Variants in GPC3 observed in about 807,000 individuals in gnomAD.
The protein encoded by GPC3 is glypican-3.
In GPC3, 3 loss-of-function variants were observed where a neutral mutation model predicts 34.4. That is an observed-to-expected ratio of 0.09 (90% confidence interval 0.04 to 0.23). The LOEUF is 0.23. Ranked by LOEUF, GPC3 falls within the 10% of genes least tolerant of loss-of-function variation. The pLI is 1.00. For synonymous variants in GPC3, 177 were observed against 174.0 expected, an observed-to-expected ratio of 1.02 and a Z score of -0.13; for missense variants, 351 against 445.6, an observed-to-expected ratio of 0.79 and a Z score of 1.91.
chrX:133,796,121 A>G, intron 2 of GPC3, among the ~76,000 whole-genome samples: 2 of 108,540 alleles, frequency 1.8e-5, no homozygotes, highest in South Asian at 4.1e-4. Context: ...ATTTTTTTGT[A>G]TTTTTAGTAG....
chrX:133,754,607 A>G (rs2071709203), intron 2 of GPC3, among the ~76,000 whole-genome samples: 1 of 112,465 alleles, frequency 8.9e-6, no homozygotes, highest in Admixed American at 9.4e-5. Context: ...ACAACAAACC[A>G]TACATTGTAT....
intron 6 of GPC3, among the ~76,000 whole-genome samples, chrX:133,606,513 T>C (rs771453845): frequency 3.6e-5 from 4 of 112,094 alleles, no homozygotes; most frequent in Non-Finnish European, 7.5e-5. Context: ...CCTTGACCTC[T>C]TGGGCTAAAG....
chrX:133,596,625 T>C, intron 6 of GPC3, 26 bp from the exon 7 acceptor site: 2 of 1,196,406 alleles, frequency 1.7e-6, no homozygotes, highest in Non-Finnish European at 2.3e-6. Flanking sequence ...CAGGAATGCA[T>C]CAGCTCTTCA....
At chrX:133,817,572 T>C (rs980351823) in intron 2 of GPC3, among the ~76,000 whole-genome samples, 2 of 110,682 alleles carry the variant, frequency 1.8e-5, no homozygotes, top group African/African-American at 6.6e-5. Context: ...AATGCAAGGA[T>C]AAGTTCTACA....
intron 6 of GPC3, among the ~76,000 whole-genome samples, chrX:133,607,955 A>C (rs1032751075): frequency 8.9e-6 from 1 of 112,772 alleles, no homozygotes; most frequent in Admixed American, 9.3e-5. Context: ...TTCCCAGATA[A>C]GTACTCTCTT....
chrX:133,905,825 T>G (rs2076165467), intron 2 of GPC3, among the ~76,000 whole-genome samples: 1 of 109,902 alleles, frequency 9.1e-6, no homozygotes, highest in African/African-American at 3.3e-5. Flanking sequence ...AAATGGAGGG[T>G]GGACAAGGAG....
At chrX:133,600,553 A>T (rs2069969494) in intron 6 of GPC3, among the ~76,000 whole-genome samples, 1 of 112,173 alleles carries the variant, frequency 8.9e-6, no homozygotes, top group Non-Finnish European at 1.9e-5. Context: ...CATTTTACAC[A>T]GACAGCCACT....
chrX:133,644,461 G>T (rs1159261315), intron 6 of GPC3, among the ~76,000 whole-genome samples: 2 of 111,673 alleles, frequency 1.8e-5, no homozygotes, highest in Non-Finnish European at 3.8e-5. Flanking sequence ...ATTAATCAGA[G>T]GATAGTGGTG....
chrX:133,623,380 T>C (rs779709419), intron 6 of GPC3, among the ~76,000 whole-genome samples: 1 of 111,006 alleles, frequency 9.0e-6, no homozygotes, highest in Admixed American at 9.6e-5. Flanking sequence ...GGATAAAGAG[T>C]CAAGACCCAT....
intron 6 of GPC3, among the ~76,000 whole-genome samples, chrX:133,658,672 T>G (rs917590038): frequency 8.9e-6 from 1 of 112,200 alleles, no homozygotes; most frequent in African/African-American, 3.2e-5. Context: ...TCCAACCAAT[T>G]TTAACAGCTC....
intron 6 of GPC3, among the ~76,000 whole-genome samples, chrX:133,602,056 T>C (rs1229552903): frequency 1.8e-5 from 2 of 112,047 alleles, no homozygotes; most frequent in African/African-American, 6.5e-5. Flanking sequence ...GAAAATGTGG[T>C]ATATATACAC....
intron 2 of GPC3, among the ~76,000 whole-genome samples, chrX:133,832,418 A>T (rs569031260): frequency 9.1e-6 from 1 of 109,360 alleles, no homozygotes; most frequent in East Asian, 2.8e-4. Context: ...TGGCTACTAG[A>T]TCTTTAGGAG....
intron 7 of GPC3, among the ~76,000 whole-genome samples, chrX:133,570,993 C>T (rs899556859): frequency 8.9e-6 from 1 of 111,764 alleles, no homozygotes; most frequent in Admixed American, 9.5e-5. Context: ...GCTTTATAAA[C>T]TTATACATAT....
At chrX:133,592,690 G>C (rs1324546720) in intron 7 of GPC3, among the ~76,000 whole-genome samples, 7 of 111,036 alleles carry the variant, frequency 6.3e-5, no homozygotes, top group Admixed American at 1.9e-4. Flanking sequence ...ACTATGGACT[G>C]AGATGGCTAT....
chrX:133,625,346 T>C (rs1018150141), intron 6 of GPC3, among the ~76,000 whole-genome samples: 3 of 111,822 alleles, frequency 2.7e-5, no homozygotes, highest in Admixed American at 9.6e-5. Flanking sequence ...AAGTAAAGGA[T>C]ATTCAATTAG....
intron 2 of GPC3, among the ~76,000 whole-genome samples, chrX:133,801,144 G>C (rs1386500838): frequency 1.8e-5 from 2 of 111,558 alleles, no homozygotes; most frequent in East Asian, 5.6e-4. Flanking sequence ...AAACTTTCTG[G>C]TAAGGAACAC....
At chrX:133,882,937 A>C (rs1177073343) in intron 2 of GPC3, among the ~76,000 whole-genome samples, 1 of 111,030 alleles carries the variant, frequency 9.0e-6, no homozygotes, top group African/African-American at 3.3e-5. Flanking sequence ...AGATGGCCTA[A>C]GGTCATATCC....
At chrX:133,979,108 T>A (rs750717975) in intron 1 of GPC3, among the ~76,000 whole-genome samples, 7 of 112,472 alleles carry the variant, frequency 6.2e-5, no homozygotes, top group Non-Finnish European at 1.1e-4. Context: ...GTTTCTTTTA[T>A]AACAGCTTTT....
chrX:133,880,467 T>C (rs1285946048), intron 2 of GPC3, among the ~76,000 whole-genome samples: 2 of 112,078 alleles, frequency 1.8e-5, no homozygotes, highest in Non-Finnish European at 3.8e-5. Flanking sequence ...AGCATCTTAT[T>C]GTTTTCAGCT....
Sources: gnomAD v4.1 joint callset for allele counts (sites outside exome capture counted in the v4.1 genomes callset) on GRCh38, gnomAD v4.1.1 for gene constraint, MANE v1.5 for transcripts, NCBI Gene and HGNC (gene_info 2026-07-23, HGNC 2026-07-21) for gene names.